The following SEC22C variants were observed in gnomAD, a reference collection of about 807,000 sequenced individuals.
SEC22C encodes SEC22 homolog C, vesicle trafficking protein, also known as vesicle-trafficking protein SEC22c.
Under a neutral mutation model 34.7 loss-of-function variants are expected in SEC22C, and 29 were observed. That is an observed-to-expected ratio of 0.84 (90% confidence interval 0.62 to 1.14). SEC22C has a LOEUF of 1.14. Ranked by LOEUF, SEC22C falls within the 50% of genes most tolerant of loss-of-function variation. The probability of loss-of-function intolerance (pLI) is 0.00; values close to 1 mark genes in which losing one functional copy is unlikely to be tolerated. For missense variants in SEC22C, 337 were observed against 369.0 expected (o/e 0.91, Z 0.71); for synonymous variants, 117 against 132.8 (o/e 0.88, Z 0.82).
chr3:42,587,147 G>A (rs1052147405), intron 1 of SEC22C, among the ~76,000 whole-genome samples: 1 of 152,070 alleles, frequency 6.6e-6, no homozygotes, highest in South Asian at 2.1e-4. Context: ...TCATCTGGGC[G>A]TCTTCCCTAA....
At position 42,581,605 on chromosome 3, in the gene SEC22C, T is replaced by A. The variant is rs532605817; in HGVS notation, c.-28+241A>T. Among the ~76,000 whole-genome samples the A allele has an allele frequency of 9.2e-5, 14 of 152,384 alleles. 1 individual carries two copies. The highest frequency in any genetic ancestry group is 9.1e-4 in the Admixed American group (14 of 15,312). On this transcript the variant is annotated intron_variant, in intron 1 of 6. Coordinates refer to ENST00000264454, the MANE Select transcript of SEC22C (RefSeq NM_032970.4). ...TTGGCGCCCATCTGTCAGCCCAGGG[T>A]TCCTGCAGGCGCGTGCCTTGGGTGG...
At chr3:42,570,422 C>A (rs1383943672) in intron 1 of SEC22C, among the ~76,000 whole-genome samples, 3 of 152,112 alleles carry the variant, frequency 2.0e-5, no homozygotes, top group East Asian at 3.9e-4. Context: ...AGAATAAAGA[C>A]CATGTCTGGA....
At chr3:42,563,443 T>C in intron 3 of SEC22C, 80 bp downstream of exon 3, 1 of 1,304,974 alleles carries the variant, frequency 7.7e-7, no homozygotes, top group Non-Finnish European at 1.1e-6. Flanking sequence ...TCCTTGATGG[T>C]CAAAGCCAAA....
At chr3:42,580,295 A>T (rs188673912) in intron 1 of SEC22C, 1 of 152,390 alleles carries the variant, frequency 6.6e-6, no homozygotes, top group Non-Finnish European at 1.5e-5. Context: ...TGCACCTTGC[A>T]AAATAGGAAT....
At chr3:42,594,748 G>A (rs1704981761) in intron 1 of SEC22C, 1 of 346,214 alleles carries the variant, frequency 2.9e-6, no homozygotes, top group South Asian at 4.9e-5. Context: ...GAGCCCAGGT[G>A]TCCTCTTTCC....
chr3:42,574,652 G>T (rs1330971995), intron 1 of SEC22C, among the ~76,000 whole-genome samples: 1 of 152,022 alleles, frequency 6.6e-6, no homozygotes, highest in Non-Finnish European at 1.5e-5. Context: ...ATTATAAATG[G>T]GAGGGTTCAA....
At chr3:42,559,987 G>GC (rs1702774609) in intron 4 of SEC22C, among the ~76,000 whole-genome samples, 2 of 151,552 alleles carry the variant, frequency 1.3e-5, no homozygotes, top group South Asian at 2.1e-4. Context: ...AACGTTAGAA[G>GC]CCCTGGCTCC....
At chr3:42,568,383 C>T (rs1014199458) in intron 2 of SEC22C, among the ~76,000 whole-genome samples, 3 of 152,044 alleles carry the variant, frequency 2.0e-5, no homozygotes, top group South Asian at 4.1e-4. Flanking sequence ...CAGTGGCTCA[C>T]ACTTGTAATC....
At chr3:42,598,262 C>G (rs1046207005) in intron 1 of SEC22C, among the ~76,000 whole-genome samples, 2 of 151,516 alleles carry the variant, frequency 1.3e-5, no homozygotes, top group Non-Finnish European at 2.9e-5. Flanking sequence ...GAAATTCTGA[C>G]ATGCTACAAC....
intron 2 of SEC22C, among the ~76,000 whole-genome samples, chr3:42,566,082 A>C (rs1213711740): frequency 6.6e-6 from 1 of 152,204 alleles, no homozygotes; most frequent in African/African-American, 2.4e-5. Context: ...TTGAAGTACA[A>C]ATCAGTTAAT....
chr3:42,550,341 T>C lies in SEC22C; in HGVS notation c.*2907A>G. The C allele has an allele frequency of 6.1e-6, 6 of 985,374 alleles. No individual in the cohort carries two copies. The highest frequency in any genetic ancestry group is 5.2e-4 in the Middle Eastern group (1 of 1,914). The allele number at this position is 985,374 out of a possible 1,614,324, so 61.0% of individuals were successfully genotyped here. Reference sequence around the variant, plus strand: ...ACAAAAGTGCTACAACAACAGTGAGTCCATGGTGGAGTGAGGATAACTCCT... The same window carrying C: ...ACAAAAGTGCTACAACAACAGTGAGCCCATGGTGGAGTGAGGATAACTCCT... On this transcript the variant is annotated 3_prime_UTR_variant, in exon 7 of 7. Transcript: ENST00000264454.
At chr3:42,554,181 C>T (rs1026826417) in intron 6 of SEC22C, among the ~76,000 whole-genome samples, 3 of 151,976 alleles carry the variant, frequency 2.0e-5, no homozygotes, top group Non-Finnish European at 4.4e-5. Context: ...GCTATCCAAC[C>T]AGGAACACAG....
In SEC22C at chr3:42,597,470, C is replaced by T. The variant is rs766385995; in HGVS notation, c.-28+3490G>A. Among the ~76,000 whole-genome samples the T allele has an allele frequency of 6.6e-5, 10 of 151,720 alleles. No individual in the cohort carries two copies. In the South Asian group the frequency reaches 8.3e-4, roughly 13 times the overall value. On this transcript the variant is annotated intron_variant, in intron 1 of 6. Transcript: ENST00000417572. Reference sequence around the variant, plus strand: ...ACACTGGAGGCTGAGGCAGGGGAATCGCTTGATCTCAGGAGGCAGAGGTTG... The same window carrying T: ...ACACTGGAGGCTGAGGCAGGGGAATTGCTTGATCTCAGGAGGCAGAGGTTG...
At chr3:42,595,150 T>G (rs1704991899) in intron 1 of SEC22C, 1 of 152,250 alleles carries the variant, frequency 6.6e-6, no homozygotes, top group South Asian at 2.1e-4. Context: ...TAATATCATC[T>G]GATAATAGAT....
intron 1 of SEC22C, among the ~76,000 whole-genome samples, chr3:42,590,028 T>C (rs958552821): frequency 1.3e-5 from 2 of 152,224 alleles, no homozygotes; most frequent in Non-Finnish European, 2.9e-5. Flanking sequence ...CTAAGGAACC[T>C]TGGGCAAGTT....
intron 1 of SEC22C, among the ~76,000 whole-genome samples, chr3:42,595,284 A>T (rs935831484): frequency 6.6e-6 from 1 of 152,324 alleles, no homozygotes; most frequent in South Asian, 2.1e-4. Context: ...AATACTTAAT[A>T]GTTCCTTTTT....
At chr3:42,575,776 A>G (rs553877864) in intron 1 of SEC22C, among the ~76,000 whole-genome samples, 2 of 152,370 alleles carry the variant, frequency 1.3e-5, no homozygotes, top group South Asian at 2.1e-4. Context: ...ACTAAAGGAT[A>G]TAATCATGAT....
At chr3:42,582,892 AG>A (rs540112188), upstream of SEC22C, among the ~76,000 whole-genome samples, 10 of 152,386 alleles carry the variant, frequency 6.6e-5, no homozygotes, top group East Asian at 1.9e-3. Flanking sequence ...AGTGCTTAAT[AG>A]GTACAGAATT....
intron 1 of SEC22C, among the ~76,000 whole-genome samples, chr3:42,596,967 C>T (rs1211703611): frequency 2.0e-5 from 3 of 152,214 alleles, no homozygotes; most frequent in South Asian, 2.1e-4. Flanking sequence ...GTCCTAAACA[C>T]GGTAATTACA....
Sources: allele counts gnomAD v4.1 joint callset (sites outside exome capture counted in the v4.1 genomes callset), GRCh38; gene constraint gnomAD v4.1.1; transcripts MANE v1.5; gene names NCBI Gene and HGNC (gene_info 2026-07-23, HGNC 2026-07-21).